The following COL23A1 variants were observed in gnomAD, a reference collection of about 807,000 sequenced individuals.
COL23A1 encodes the protein collagen alpha-1(XXIII) chain.
COL23A1 carries 97 observed loss-of-function variants against 99.3 expected under a neutral mutation model. That is an observed-to-expected ratio of 0.98 (90% CI 0.83 to 1.16). The LOEUF is 1.16. Ranked by LOEUF, COL23A1 falls within the 50% of genes most tolerant of loss-of-function variation. The pLI, the probability that COL23A1 is intolerant of heterozygous loss-of-function variation, is 0.00. For missense variants in COL23A1, 762 were observed against 757.4 expected (o/e 1.01, Z -0.07); for synonymous variants, 320 against 308.2 (o/e 1.04, Z -0.40).
intron 2 of COL23A1, among the ~76,000 whole-genome samples, chr5:178,521,444 T>A (rs2113059859): frequency 6.6e-6 from 1 of 151,320 alleles, no homozygotes; most frequent in South Asian, 2.1e-4. Flanking sequence ...TCCCAGCTAC[T>A]CGGGAGGCCG....
In COL23A1 at chr5:178,340,732, G is replaced by C. The variant is rs1016338384; in HGVS notation, c.362-33813C>G. Among the ~76,000 whole-genome samples, 1 of 152,248 alleles carries C rather than the reference G, an allele frequency of 6.6e-6. No homozygotes were observed. The highest frequency in any genetic ancestry group is 2.4e-5 in the African/African-American group (1 of 41,470). On this transcript the variant is annotated intron_variant, in intron 2 of 28. Transcript: ENST00000390654. The surrounding 1 kb of genome is among the most constrained non-coding windows in gnomAD (Gnocchi z 4.7). ...CGGCCCTCCCAGGGGCAGTGAGGGA[G>C]TCTCACCGGAATGGAGGTGGGCGGG...
At chr5:178,375,477 G>A (rs536925652) in intron 2 of COL23A1, among the ~76,000 whole-genome samples, 79 of 152,320 alleles carry the variant, frequency 5.2e-4, no homozygotes, top group Middle Eastern at 6.8e-3. Context: ...TCGGAACCCT[G>A]CAATGACTTT....
At chr5:178,465,990 C>T (rs1756399289) in intron 2 of COL23A1, among the ~76,000 whole-genome samples, 1 of 152,164 alleles carries the variant, frequency 6.6e-6, no homozygotes, top group Non-Finnish European at 1.5e-5. Context: ...TCAAGGCCAT[C>T]GTGTCCACAT....
intron 2 of COL23A1, among the ~76,000 whole-genome samples, chr5:178,473,600 T>C (rs1342958360): frequency 6.6e-6 from 1 of 151,880 alleles, no homozygotes; most frequent in Non-Finnish European, 1.5e-5. Flanking sequence ...ACTATGCCAT[T>C]TTATATGAGG....
Position 178,252,570 on chromosome 5 carries a change from C to T in COL23A1, c.988G>A (p.Gly330Arg). ...KGPPGPQGPP[G>R]PPGIPGAKGE... ...TTGGCTCCAGGGATCCCTGGTGGCCCTGGGGGCCCCTGTGGTCCGGGAGGC... is the reference window on the plus strand; with the variant it reads ...TTGGCTCCAGGGATCCCTGGTGGCCTTGGGGGCCCCTGTGGTCCGGGAGGC... The change falls in exon 17 of 29, where the codon GGG becomes AGG. Residue 330 changes from glycine to arginine, a missense_variant. Transcript: ENST00000390654. The T allele has an allele frequency of 6.2e-7, 1 of 1,611,740 alleles. No individual in the cohort carries two copies. Among genetic ancestry groups the T allele is most frequent in the Non-Finnish European group, 8.5e-7 (1 of 1,179,110 alleles).
chr5:178,263,501 G>A lies in COL23A1; in HGVS notation c.523-177C>T, dbSNP rs73338871. 4.6e-3 allele frequency among the ~76,000 whole-genome samples: 693 copies of A among 152,302 alleles called. 10 individuals are homozygous for A. The highest frequency in any genetic ancestry group is 0.016 in the African/African-American group (665 of 41,560). The stretch of plus-strand genomic sequence containing the variant: ...TTATTGGGAGCTGCATGAAGGAACA[G>A]GTCCCCATACCTTGGTGTAAGAGGC... On this transcript the variant is annotated intron_variant, in intron 8 of 28. Transcript: ENST00000390654.
chr5:178,415,750 G>A lies in COL23A1; in HGVS notation c.362-108831C>T, dbSNP rs1238078774. Among the ~76,000 whole-genome samples the A allele has an allele frequency of 6.6e-6, 1 of 152,190 alleles. No individual in the cohort carries two copies. The highest frequency in any genetic ancestry group is 1.5e-5 in the Non-Finnish European group (1 of 68,036). ...GGGGATGCAGAAGAGTGAGCACGAG[G>A]TTCTTGCCCACAGAGAGCTCCCAGC... On this transcript the variant is annotated intron_variant, in intron 2 of 28. Coordinates refer to ENST00000390654, the MANE Select transcript of COL23A1 (RefSeq NM_173465.4). This position sits in a 1 kb window ranked among gnomAD's most constrained non-coding sequence, Gnocchi z 4.6.
intron 2 of COL23A1, among the ~76,000 whole-genome samples, chr5:178,397,445 G>A (rs998042116): frequency 1.3e-5 from 2 of 152,192 alleles, no homozygotes; most frequent in Admixed American, 6.5e-5. Flanking sequence ...CAGTAACTGA[G>A]GCTTAACGAA....
chr5:178,371,293 C>T (rs1287300995), intron 2 of COL23A1, among the ~76,000 whole-genome samples: 3 of 152,338 alleles, frequency 2.0e-5, no homozygotes, highest in East Asian at 1.9e-4. Flanking sequence ...CGACCAGTGT[C>T]ACCAGGCAGC....
At chr5:178,496,363 G>A (rs1758200471) in intron 2 of COL23A1, among the ~76,000 whole-genome samples, 1 of 152,144 alleles carries the variant, frequency 6.6e-6, no homozygotes, top group African/African-American at 2.4e-5. Context: ...AGAACAGTCT[G>A]GACACAGCTG....
chr5:178,565,311 C>T (rs540818648), intron 1 of COL23A1, among the ~76,000 whole-genome samples: 7 of 152,142 alleles, frequency 4.6e-5, no homozygotes, highest in Admixed American at 1.3e-4. Context: ...AATTTCGGAG[C>T]GACAGACTCT....
chr5:178,376,056 CA>C (rs936021547), intron 2 of COL23A1, among the ~76,000 whole-genome samples: 1 of 152,194 alleles, frequency 6.6e-6, no homozygotes, highest in African/African-American at 2.4e-5. Flanking sequence ...GTCTTCCTCC[CA>C]GGGGGACCCC....
intron 1 of COL23A1, among the ~76,000 whole-genome samples, chr5:178,565,263 G>A (rs185925180): frequency 6.6e-6 from 1 of 152,342 alleles, no homozygotes; most frequent in East Asian, 1.9e-4. Flanking sequence ...GGAAGTAGAA[G>A]AGACAATGTA....
intron 2 of COL23A1, among the ~76,000 whole-genome samples, chr5:178,430,379 AT>A (rs1265646876): frequency 6.6e-6 from 1 of 152,204 alleles, no homozygotes; most frequent in Non-Finnish European, 1.5e-5. Flanking sequence ...AAGGACATCA[AT>A]GGCACCAGTT....
At chr5:178,570,798 C>T (rs756235009) in intron 1 of COL23A1, among the ~76,000 whole-genome samples, 6 of 152,256 alleles carry the variant, frequency 3.9e-5, no homozygotes, top group African/African-American at 9.6e-5. Context: ...GAATTGAAGA[C>T]ATGGAGCTGA....
At position 178,341,791 on chromosome 5, in the gene COL23A1, G is replaced by A. The variant is rs182674824; in HGVS notation, c.362-34872C>T. Among the ~76,000 whole-genome samples the A allele has an allele frequency of 1.4e-3, 209 of 152,092 alleles. 2 individuals are homozygous for A. In the South Asian group the frequency reaches 0.033, roughly 24 times the overall value. On this transcript the variant is annotated intron_variant, in intron 2 of 28. Coordinates refer to ENST00000390654, the MANE Select transcript of COL23A1 (RefSeq NM_173465.4). Reference sequence around the variant, plus strand: ...AGTCTCTGTTGCTCCAGCAGCAGCCGGCACCCCGCCCGCCTCAGGACCTGA... The same window carrying A: ...AGTCTCTGTTGCTCCAGCAGCAGCCAGCACCCCGCCCGCCTCAGGACCTGA...
At chr5:178,269,398 T>TCCACCCACCCACCCATCCAC (rs1456593091) in intron 6 of COL23A1, among the ~76,000 whole-genome samples, 1 of 28,818 alleles carries the variant, frequency 3.5e-5, no homozygotes, top group Non-Finnish European at 8.1e-5. Flanking sequence ...CACCCACCCA[T>TCCACCCACCCACCCATCCAC]CCATCCAACC....
rs1247758995 is a variant in COL23A1 at position 178,458,104 on chromosome 5, C to G, written c.361+102578G>C. On this transcript the variant is annotated intron_variant, in intron 2 of 28. Coordinates refer to ENST00000390654, the MANE Select transcript of COL23A1 (RefSeq NM_173465.4). ...ATGTCAAAAGGACTCACATGCCACC[C>G]TGAAGCTCCCACCGTCCAAAGATGA... 2.0e-3 allele frequency among the ~76,000 whole-genome samples: 8 copies of G among 3,914 alleles called. No homozygotes were observed. The Admixed American group carries it at 0.025, about 12-fold the overall frequency. 2.6% of individuals were successfully genotyped at this position (3,914 alleles called of 152,430 possible). A position where few individuals can be genotyped will look rare whatever the true frequency, so the allele number is the denominator to read the frequency against.
At chr5:178,358,976 C>A (rs1231419789) in intron 2 of COL23A1, among the ~76,000 whole-genome samples, 1 of 152,118 alleles carries the variant, frequency 6.6e-6, no homozygotes, top group Non-Finnish European at 1.5e-5. Flanking sequence ...TTGTTCAGAA[C>A]CAGATGTCAA....
Sources: gnomAD v4.1 joint callset for allele counts (sites outside exome capture counted in the v4.1 genomes callset) on GRCh38, gnomAD v4.1.1 for gene constraint, Gnocchi (gnomAD v3.1) non-coding constraint, MANE v1.5 for transcripts, NCBI Gene and HGNC (gene_info 2026-07-23, HGNC 2026-07-21) for gene names.